LTBP1: variants seen among roughly 807,000 people sequenced by gnomAD.
LTBP1 encodes latent transforming growth factor beta binding protein 1, also known as latent-transforming growth factor beta-binding protein 1.
A neutral mutation model predicts 207.6 loss-of-function variants in LTBP1; 129 were observed. The ratio of observed to expected loss-of-function variants is 0.62; its 90% CI spans 0.54 to 0.72. The LOEUF is 0.72. LTBP1 is among the 30% of genes least tolerant of loss of function. The pLI is 0.00. For synonymous variants in LTBP1, 963 were observed against 833.7 expected (o/e 1.16, Z -2.67); for missense variants, 2,281 against 2,217.2 (o/e 1.03, Z -0.58).
At chr2:33,324,896 AG>A (rs1330966445) in intron 24 of LTBP1, among the ~76,000 whole-genome samples, 4 of 151,988 alleles carry the variant, frequency 2.6e-5, no homozygotes, top group Non-Finnish European at 5.9e-5. Flanking sequence ...TAGTAGAGAC[AG>A]GGTTTCACTC....
rs150026391 is a variant in LTBP1, at chr2:33,020,687, A to G, written c.566-222A>G. On this transcript the variant is annotated intron_variant, in intron 2 of 33. Coordinates refer to ENST00000404816, the MANE Select transcript of LTBP1 (RefSeq NM_206943.4). ...ACAAAACACGTTGCTGGGGGATTAC[A>G]TTTGTTTATATATTTTAGAACAGTG... 4.6e-3 allele frequency among the ~76,000 whole-genome samples: 701 copies of G among 152,218 alleles called. 5 individuals carry two copies. The highest frequency in any genetic ancestry group is 8.0e-3 in the Non-Finnish European group (544 of 68,020).
At chr2:32,959,614 TA>T (rs1427928401) in intron 2 of LTBP1, among the ~76,000 whole-genome samples, 2,090 of 48,226 alleles carry the variant, frequency 0.043, 66 homozygotes, top group Non-Finnish European at 0.081. Flanking sequence ...TATATATATA[TA>T]TATATATTTT....
intron 3 of LTBP1, among the ~76,000 whole-genome samples, chr2:33,029,607 G>A (rs910475116): frequency 2.8e-4 from 42 of 152,298 alleles, no homozygotes; most frequent in African/African-American, 9.9e-4. Flanking sequence ...ATAACTGCAA[G>A]TGTCTGAATG....
chr2:33,005,987 G>A (rs1311020093), intron 2 of LTBP1, among the ~76,000 whole-genome samples: 1 of 152,068 alleles, frequency 6.6e-6, no homozygotes, highest in Non-Finnish European at 1.5e-5. Context: ...AACCACAATG[G>A]TCTTTTTTCT....
chr2:33,033,541 A>T (rs1386107639), intron 3 of LTBP1, among the ~76,000 whole-genome samples: 1 of 152,088 alleles, frequency 6.6e-6, no homozygotes, highest in African/African-American at 2.4e-5. Flanking sequence ...GACAATAATA[A>T]TGCATGAAAT....
At chr2:33,271,295 T>C (rs893587875) in intron 15 of LTBP1, among the ~76,000 whole-genome samples, 4 of 133,034 alleles carry the variant, frequency 3.0e-5, no homozygotes, top group African/African-American at 1.1e-4. Context: ...TAATTCACCT[T>C]CTAATTTTTT....
chr2:33,327,665 A>G (rs2094444412), intron 24 of LTBP1, among the ~76,000 whole-genome samples: 2 of 152,234 alleles, frequency 1.3e-5, no homozygotes, highest in African/African-American at 4.8e-5. Flanking sequence ...GTGGTGGTCA[A>G]GATGACTACT....
intron 24 of LTBP1, among the ~76,000 whole-genome samples, chr2:33,341,502 G>A (rs1381523872): frequency 6.6e-6 from 1 of 151,876 alleles, no homozygotes; most frequent in Non-Finnish European, 1.5e-5. Flanking sequence ...ACGAGGTCAG[G>A]AGATTGAGAC....
chr2:33,003,520 T>C (rs1686346312), intron 2 of LTBP1, among the ~76,000 whole-genome samples: 1 of 152,184 alleles, frequency 6.6e-6, no homozygotes, highest in South Asian at 2.1e-4. Flanking sequence ...CATGCTGTGG[T>C]GTATGCAGAG....
At chr2:33,285,962 A>T (rs1242180544) in intron 19 of LTBP1, 1 of 152,142 alleles carries the variant, frequency 6.6e-6, no homozygotes, top group Admixed American at 6.6e-5. Context: ...CTGTAGGGTC[A>T]TTAGTGATTC....
Position 33,322,950 on chromosome 2 carries a change from T to C in LTBP1, c.3730+7681T>C, listed in dbSNP as rs578239008. On this transcript the variant is annotated intron_variant, in intron 24 of 33. Coordinates refer to ENST00000404816, the MANE Select transcript of LTBP1 (RefSeq NM_206943.4). ...ACTTCTTTACCTTGTTTATTGTTCT[T>C]TGTCACACTCCATTGCTAGACTTTA... is the stretch of plus-strand genomic sequence containing the variant. Among the ~76,000 whole-genome samples, 4 of 152,330 alleles carry C rather than the reference T, an allele frequency of 2.6e-5. No homozygotes were observed. The East Asian group carries it at 7.7e-4, about 29-fold the overall frequency.
chr2:33,331,010 A>G (rs2094487497), intron 24 of LTBP1, among the ~76,000 whole-genome samples: 2 of 151,866 alleles, frequency 1.3e-5, no homozygotes, highest in South Asian at 2.1e-4. Flanking sequence ...TTGTTTTCCA[A>G]GGAATTTATC....
intron 3 of LTBP1, among the ~76,000 whole-genome samples, chr2:33,105,660 C>T (rs753586567): frequency 4.6e-5 from 7 of 152,018 alleles, no homozygotes; most frequent in Non-Finnish European, 1.0e-4. Context: ...CTTGAACTTG[C>T]GACCTCAGGT....
chr2:33,274,919 T>G, intron 16 of LTBP1, 46 bp from the exon 17 acceptor site: 1 of 1,597,040 alleles, frequency 6.3e-7, no homozygotes, highest in Non-Finnish European at 8.6e-7. Flanking sequence ...GAAACTAAGT[T>G]CTTGCTACAC....
At chr2:33,388,228 T>C (rs937489539) in intron 31 of LTBP1, among the ~76,000 whole-genome samples, 1 of 151,320 alleles carries the variant, frequency 6.6e-6, no homozygotes, top group African/African-American at 2.4e-5. Flanking sequence ...TAAAGGGGAG[T>C]CTAGGAGTCA....
intron 5 of LTBP1, among the ~76,000 whole-genome samples, chr2:33,147,964 GA>G (rs1338557636): frequency 2.6e-5 from 4 of 152,222 alleles, no homozygotes; most frequent in African/African-American, 4.8e-5. Flanking sequence ...CCCAGGAAGT[GA>G]AATAACAGAT....
At chr2:33,196,041 A>G (rs2088516006) in intron 7 of LTBP1, among the ~76,000 whole-genome samples, 1 of 152,242 alleles carries the variant, frequency 6.6e-6, no homozygotes, top group Non-Finnish European at 1.5e-5. Context: ...GCATAGCGCT[A>G]CTGCAAACTT....
In LTBP1 at chr2:33,229,343, T is replaced by C. The variant is rs530927535; in HGVS notation, c.1876+7192T>C. 5.3e-5 allele frequency among the ~76,000 whole-genome samples: 8 copies of C among 151,866 alleles called. No homozygotes were observed. The East Asian group carries it at 1.6e-3, about 30-fold the overall frequency. ...AATAAAAATTTGCTGGGTGTGGTGG[T>C]GCATGCCTGTAATCCCAGCTACTGA... On this transcript the variant is annotated intron_variant, in intron 9 of 33. Coordinates refer to ENST00000404816, the MANE Select transcript of LTBP1 (RefSeq NM_206943.4).
chr2:33,113,275 A>G (rs1483713034), intron 4 of LTBP1, among the ~76,000 whole-genome samples: 1 of 152,212 alleles, frequency 6.6e-6, no homozygotes, highest in Non-Finnish European at 1.5e-5. Context: ...CTTGAGCTCT[A>G]AGCACTGTGC....
Sources: gnomAD v4.1 joint callset for allele counts (sites outside exome capture counted in the v4.1 genomes callset) on GRCh38, gnomAD v4.1.1 for gene constraint, MANE v1.5 for transcripts, NCBI Gene and HGNC (gene_info 2026-07-23, HGNC 2026-07-21) for gene names.